Variants in CCDC148 observed in about 807,000 individuals in gnomAD.
CCDC148 encodes coiled-coil domain-containing protein 148.
CCDC148 carries 89 observed loss-of-function variants against 85.7 expected under a neutral mutation model. The observed-to-expected ratio is 1.04, with a 90% CI of 0.87 to 1.24. The LOEUF (loss-of-function observed/expected upper bound fraction) is 1.24, where lower values mean the gene tolerates loss of function less well. Ranked by LOEUF, CCDC148 falls within the 50% of genes most tolerant of loss-of-function variation. The probability of loss-of-function intolerance (pLI) is 0.00; values close to 1 mark genes in which losing one functional copy is unlikely to be tolerated. For synonymous variants in CCDC148, 230 were observed against 213.9 expected (o/e 1.08, Z -0.66); for missense variants, 692 against 671.7 (o/e 1.03, Z -0.33).
chr2:158,342,025 TC>T (rs1448394244), intron 3 of CCDC148, among the ~76,000 whole-genome samples: 3,688 of 92,706 alleles, frequency 0.04, 392 homozygotes, highest in Non-Finnish European at 0.051. Flanking sequence ...TATTTTCTTT[TC>T]TTTTTTTTTT....
At chr2:158,390,463 G>A (rs1164985476) in intron 1 of CCDC148, among the ~76,000 whole-genome samples, 1 of 152,104 alleles carries the variant, frequency 6.6e-6, no homozygotes, top group African/African-American at 2.4e-5. Context: ...AAAGAGTGGT[G>A]GGGCTGCAAA....
intron 10 of CCDC148, among the ~76,000 whole-genome samples, chr2:158,225,373 AC>A (rs1439867481): frequency 6.6e-6 from 1 of 152,158 alleles, no homozygotes; most frequent in Non-Finnish European, 1.5e-5. Context: ...TAAACACTCC[AC>A]TGTCAACATT....
At chr2:158,341,716 T>A (rs975274000) in intron 3 of CCDC148, among the ~76,000 whole-genome samples, 34 of 152,228 alleles carry the variant, frequency 2.2e-4, no homozygotes, top group Admixed American at 5.9e-4. Context: ...TATGGCAGAT[T>A]CGATTAAATC....
At chr2:158,317,676 T>A (rs1484159141) in intron 7 of CCDC148, among the ~76,000 whole-genome samples, 1 of 152,176 alleles carries the variant, frequency 6.6e-6, no homozygotes, top group Non-Finnish European at 1.5e-5. Context: ...TCCGTGACAT[T>A]CAAATACATT....
chr2:158,412,194 T>C (rs948046825), intron 1 of CCDC148, among the ~76,000 whole-genome samples: 12 of 152,150 alleles, frequency 7.9e-5, no homozygotes, highest in Non-Finnish European at 1.5e-4. Context: ...TGACACTGAG[T>C]TGTGGTGGCC....
chr2:158,366,286 T>C (rs774752701), intron 1 of CCDC148, among the ~76,000 whole-genome samples: 4 of 152,200 alleles, frequency 2.6e-5, no homozygotes, highest in African/African-American at 9.6e-5. Flanking sequence ...CTGTCCTTTC[T>C]ATTTTTTCCC....
In CCDC148 at chr2:158,314,597, T is replaced by A. The variant is rs370265578; in HGVS notation, c.765-703A>T. ...CTCCTAGGCACCATCCTGGTTTGCATTCTTTCTAGACTATTAGCAAAGTCT... is the reference window on the plus strand; with the variant it reads ...CTCCTAGGCACCATCCTGGTTTGCAATCTTTCTAGACTATTAGCAAAGTCT... On this transcript the variant is annotated intron_variant, in intron 7 of 13. Transcript: ENST00000283233. Among the ~76,000 whole-genome samples the A allele has an allele frequency of 8.5e-5, 13 of 152,348 alleles. 2 individuals are homozygous for A. The highest frequency in any genetic ancestry group is 6.5e-4 in the Admixed American group (10 of 15,308).
chr2:158,409,069 G>A (rs1432090445), intron 1 of CCDC148, among the ~76,000 whole-genome samples: 1 of 151,886 alleles, frequency 6.6e-6, no homozygotes, highest in Non-Finnish European at 1.5e-5. Flanking sequence ...TATATATAGA[G>A]AGAGAAATAT....
At chr2:158,192,334 C>T (rs1305638389) in intron 11 of CCDC148, among the ~76,000 whole-genome samples, 1 of 151,926 alleles carries the variant, frequency 6.6e-6, no homozygotes, top group Non-Finnish European at 1.5e-5. Context: ...GAGAATAAAA[C>T]AGGCTTCCAA....
chr2:158,219,034 T>C (rs1687034118), intron 11 of CCDC148, among the ~76,000 whole-genome samples: 1 of 152,180 alleles, frequency 6.6e-6, no homozygotes, highest in Non-Finnish European at 1.5e-5. Context: ...GGAAGCTTCC[T>C]AGATACAAGT....
intron 10 of CCDC148, among the ~76,000 whole-genome samples, chr2:158,242,079 TCTTA>T (rs1268906745): frequency 6.7e-6 from 1 of 149,362 alleles, no homozygotes; most frequent in African/African-American, 2.6e-5. Flanking sequence ...GAACATTTCT[TCTTA>T]CTTGACCTTT....
intron 11 of CCDC148, among the ~76,000 whole-genome samples, chr2:158,210,157 C>A (rs555983984): frequency 2.0e-4 from 31 of 152,104 alleles, no homozygotes; most frequent in African/African-American, 7.5e-4. Flanking sequence ...GCAGGGGTTG[C>A]GATCCTAGTC....
intron 11 of CCDC148, among the ~76,000 whole-genome samples, chr2:158,190,991 T>C (rs1685397402): frequency 6.6e-6 from 1 of 152,032 alleles, no homozygotes; most frequent in Non-Finnish European, 1.5e-5. Context: ...TACCACCGTG[T>C]TATCAAGTCA....
At chr2:158,421,565 C>CA (rs1686783714) in intron 1 of CCDC148, among the ~76,000 whole-genome samples, 1 of 151,918 alleles carries the variant, frequency 6.6e-6, no homozygotes, top group Non-Finnish European at 1.5e-5. Flanking sequence ...AACATACCAC[C>CA]ACCTCTGGGA....
At chr2:158,327,182 G>T (rs1370111275) in intron 7 of CCDC148, among the ~76,000 whole-genome samples, 1 of 152,096 alleles carries the variant, frequency 6.6e-6, no homozygotes, top group African/African-American at 2.4e-5. Context: ...GAGGCTGTCA[G>T]GACAAAGGGC....
chr2:158,178,852 C>T, intron 12 of CCDC148, 27 bp downstream of exon 12: 1 of 1,496,206 alleles, frequency 6.7e-7, no homozygotes, highest in Non-Finnish European at 9.3e-7. Flanking sequence ...AAAAAACCAC[C>T]CATGAAAATT....
At chr2:158,433,074 C>CAAAAAAAAAAAAA (rs755383954) in intron 1 of CCDC148, among the ~76,000 whole-genome samples, 11 of 74,018 alleles carry the variant, frequency 1.5e-4, no homozygotes, top group Non-Finnish European at 1.8e-4. Context: ...CTCATCTCTA[C>CAAAAAAAAAAAAA]AAAAAAAAAA....
intron 9 of CCDC148, among the ~76,000 whole-genome samples, chr2:158,280,983 C>T (rs1030319925): frequency 3.3e-5 from 5 of 152,218 alleles, no homozygotes; most frequent in African/African-American, 1.2e-4. Context: ...TCACTCAAAA[C>T]TGCTCAACTA....
intron 7 of CCDC148, among the ~76,000 whole-genome samples, chr2:158,330,945 C>T (rs941073033): frequency 6.6e-6 from 1 of 152,130 alleles, no homozygotes. Flanking sequence ...TTTTGTTGAT[C>T]TTTTCAAAAA....
Sources: allele counts gnomAD v4.1 joint callset (sites outside exome capture counted in the v4.1 genomes callset), GRCh38; gene constraint gnomAD v4.1.1; transcripts MANE v1.5; gene names NCBI Gene and HGNC (gene_info 2026-07-23, HGNC 2026-07-21).